AACS: variants seen among roughly 807,000 people sequenced by gnomAD.
AACS encodes the protein acetoacetyl-CoA synthetase.
Under a neutral mutation model 83.1 loss-of-function variants are expected in AACS, and 69 were observed. The observed-to-expected ratio is 0.83, with a 90% CI of 0.68 to 1.01. AACS has a LOEUF of 1.01. Ranked by LOEUF, AACS falls within the 50% of genes least tolerant of loss-of-function variation. The pLI is 0.00. For synonymous variants in AACS, 333 were observed against 343.4 expected, an observed-to-expected ratio of 0.97 and a Z score of 0.33; for missense variants, 866 against 882.2, an observed-to-expected ratio of 0.98 and a Z score of 0.23.
chr12:125,075,304 C>T (rs1955996020), intron 2 of AACS, among the ~76,000 whole-genome samples: 1 of 150,636 alleles, frequency 6.6e-6, no homozygotes, highest in Non-Finnish European at 1.5e-5. Context: ...AAGTTTCGTT[C>T]TTTATTTTTC....
At chr12:125,103,120 C>G in intron 7 of AACS, 39 bp downstream of exon 7, 1 of 1,562,582 alleles carries the variant, frequency 6.4e-7, no homozygotes, top group Non-Finnish European at 8.7e-7. Context: ...CCGTGTGGAC[C>G]CACTGGAGCT....
chr12:125,128,711 A>C, intron 13 of AACS: 1 of 157,176 alleles, frequency 6.4e-6, no homozygotes, highest in Non-Finnish European at 1.4e-5. Flanking sequence ...CTGCAGAGCA[A>C]TGTGGGAGGA....
intron 17 of AACS, chr12:125,139,576 T>G (rs1178056086): frequency 6.6e-6 from 1 of 152,342 alleles, no homozygotes; most frequent in African/African-American, 2.4e-5. Context: ...CTGTGCTGCC[T>G]CCACTCACCG....
At chr12:125,127,852 G>A (rs1189664078) in intron 12 of AACS, 1 of 217,442 alleles carries the variant, frequency 4.6e-6, no homozygotes, top group Admixed American at 5.6e-5. Context: ...CACAGGCAAA[G>A]CTTCCATTTT....
rs559990908 is a variant in AACS at position 125,103,282 on chromosome 12, G to A, written c.767+201G>A. 1.4e-4 allele frequency among the ~76,000 whole-genome samples: 21 copies of A among 152,294 alleles called. No individual in the cohort carries two copies. The East Asian group carries it at 2.3e-3, about 17-fold the overall frequency. On this transcript the variant is annotated intron_variant, in intron 7 of 17. Coordinates refer to ENST00000316519, the MANE Select transcript of AACS (RefSeq NM_023928.5). ...CAAGGCCACATAGTGAATGAGTGGC[G>A]GAAGAGAGACAGTCCCAGGCACCCT...
At chr12:125,115,417 C>T (rs538816019) in intron 9 of AACS, among the ~76,000 whole-genome samples, 2 of 152,224 alleles carry the variant, frequency 1.3e-5, no homozygotes, top group South Asian at 2.1e-4. Context: ...TGCACCACCA[C>T]GCCCAGCTAA....
At chr12:125,128,545 C>T (rs1186991728) in intron 13 of AACS, 1 of 283,038 alleles carries the variant, frequency 3.5e-6, no homozygotes, top group African/African-American at 2.2e-5. Context: ...TGGTCATTGC[C>T]CTGCATCTGA....
chr12:125,125,589 C>T (rs542802730), intron 12 of AACS, among the ~76,000 whole-genome samples: 1 of 152,318 alleles, frequency 6.6e-6, no homozygotes, highest in South Asian at 2.1e-4. Flanking sequence ...GGAGGTGTAA[C>T]ATACCTTTTA....
At chr12:125,134,898 G>A in intron 16 of AACS, 46 bp downstream of exon 16, 1 of 1,610,836 alleles carries the variant, frequency 6.2e-7, no homozygotes, top group Non-Finnish European at 8.5e-7. Context: ...CCAGGAAGGA[G>A]GAGGGTCCTG....
chr12:125,136,231 G>A lies in AACS; in HGVS notation c.1679-431G>A, dbSNP rs370426839. On this transcript the variant is annotated intron_variant, in intron 16 of 17. Coordinates refer to ENST00000316519, the MANE Select transcript of AACS (RefSeq NM_023928.5). ...TGCCTAACTTAGGTTTTGATTTTTC[G>A]TAGAGACAAAGTCTCCCTATGTTGT... 34 of 166,460 alleles carry A rather than the reference G, an allele frequency of 2.0e-4. 1 individual carries two copies. Among genetic ancestry groups the A allele is most frequent in the African/African-American group, 6.5e-4 (27 of 41,486 alleles). The allele number at this position is 166,460 out of a possible 1,614,324, so 10.3% of individuals were successfully genotyped here.
At chr12:125,093,694 G>A (rs936456142) in intron 5 of AACS, among the ~76,000 whole-genome samples, 1 of 152,174 alleles carries the variant, frequency 6.6e-6, no homozygotes. Flanking sequence ...ACAGTCCCAG[G>A]CCCTGCGGCT....
At chr12:125,072,904 TA>T (rs1232768465) in intron 1 of AACS, among the ~76,000 whole-genome samples, 3 of 151,314 alleles carry the variant, frequency 2.0e-5, no homozygotes, top group Non-Finnish European at 4.4e-5. Flanking sequence ...GGAGACCTTT[TA>T]CCATGTAACT....
chr12:125,128,096 C>T (rs925024125), intron 12 of AACS, 65 bp from the exon 13 acceptor site: 1 of 1,243,846 alleles, frequency 8.0e-7, no homozygotes, highest in Admixed American at 2.1e-5. Context: ...CTTTGTTGCT[C>T]ACTAATTTAA....
At chr12:125,108,633 T>C (rs941736816) in intron 8 of AACS, among the ~76,000 whole-genome samples, 1 of 152,206 alleles carries the variant, frequency 6.6e-6, no homozygotes, top group African/African-American at 2.4e-5. Flanking sequence ...AGAATGTATA[T>C]GTATAGGTTA....
At chr12:125,065,831 A>T (rs1035690234) in intron 1 of AACS, 114 bp downstream of exon 1, 20 of 1,369,778 alleles carry the variant, frequency 1.5e-5, no homozygotes, top group Non-Finnish European at 1.9e-5. Context: ...GAGCCACTTG[A>T]TGGCGGGGAG....
chr12:125,132,286 C>T (rs1957339247), intron 14 of AACS, among the ~76,000 whole-genome samples: 1 of 152,226 alleles, frequency 6.6e-6, no homozygotes, highest in Non-Finnish European at 1.5e-5. Context: ...GATTTACATC[C>T]TCCTTTTTCT....
rs61945678 is a variant in AACS, at chr12:125,129,144, G to A, written c.1424-191G>A. ...AGACAGCGATTTTGGGGAGCACACAGGGAGGGGACTTCATCTGGGAGGAAC... is the reference window on the plus strand; with the variant it reads ...AGACAGCGATTTTGGGGAGCACACAAGGAGGGGACTTCATCTGGGAGGAAC... On this transcript the variant is annotated intron_variant, in intron 13 of 17. Coordinates refer to ENST00000316519, the MANE Select transcript of AACS (RefSeq NM_023928.5). The surrounding 1 kb of genome is among the most constrained non-coding windows in gnomAD (Gnocchi z 4.3). The A allele has an allele frequency of 0.012, 7,793 of 671,528 alleles. 87 individuals carry two copies. Among genetic ancestry groups the A allele is most frequent in the Non-Finnish European group, 0.012 (5,184 of 441,224 alleles). The allele number at this position is 671,528 out of a possible 1,614,324, so 41.6% of individuals were successfully genotyped here. A position where few individuals can be genotyped will look rare whatever the true frequency, so the allele number is the denominator to read the frequency against.
intron 4 of AACS, 27 bp from the exon 5 acceptor site, chr12:125,091,399 A>G (rs776748940): frequency 1.4e-5 from 23 of 1,612,374 alleles, no homozygotes; most frequent in African/African-American, 2.7e-5. Context: ...CCTGAACCCA[A>G]GGCTTCTTCC....
In AACS at chr12:125,073,856, C is replaced by G; in HGVS notation, c.134-20C>G. 1.3e-6 allele frequency: 2 copies of G among 1,591,300 alleles called. No homozygotes were observed. The highest frequency in any genetic ancestry group is 1.7e-5 in the Admixed American group (1 of 59,472). The stretch of plus-strand genomic sequence containing the variant: ...CCAAGATTTCCCTTCTAAGGTTAAT[C>G]TGAGCTATTTCATTTTTAGAGAGTT... On this transcript the variant is annotated intron_variant, in intron 1 of 17. Coordinates refer to ENST00000316519, the MANE Select transcript of AACS (RefSeq NM_023928.5).
Sources: allele counts gnomAD v4.1 joint callset (sites outside exome capture counted in the v4.1 genomes callset), GRCh38; gene constraint gnomAD v4.1.1; non-coding constraint Gnocchi (gnomAD v3.1); transcripts MANE v1.5; gene names NCBI Gene and HGNC (gene_info 2026-07-23, HGNC 2026-07-21).